The following ADGRL3 variants were observed in gnomAD, a reference collection of about 807,000 sequenced individuals.
ADGRL3 encodes adhesion G protein-coupled receptor L3, also known as calcium-independent alpha-latrotoxin receptor 3.
In ADGRL3, 62 loss-of-function variants were observed where a neutral mutation model predicts 153.5. The ratio of observed to expected loss-of-function variants is 0.40; its 90% CI spans 0.33 to 0.50. The LOEUF is 0.50. ADGRL3 is among the 20% of genes least tolerant of loss of function. The pLI, the probability that ADGRL3 is intolerant of heterozygous loss-of-function variation, is 0.47. For synonymous variants in ADGRL3, 710 were observed against 672.5 expected, an observed-to-expected ratio of 1.06 and a Z score of -0.86; for missense variants, 1,641 against 1,859.4, an observed-to-expected ratio of 0.88 and a Z score of 2.16.
intron 4 of ADGRL3, among the ~76,000 whole-genome samples, chr4:61,567,149 A>AT (rs1408939260): frequency 6.6e-6 from 1 of 152,170 alleles, no homozygotes; most frequent in Non-Finnish European, 1.5e-5. Flanking sequence ...CAGCTCTGTA[A>AT]TTTTCCAGAT....
chr4:61,558,275 G>T (rs1186963542), intron 4 of ADGRL3, among the ~76,000 whole-genome samples: 9 of 150,200 alleles, frequency 6.0e-5, no homozygotes, highest in Admixed American at 6.0e-4. Context: ...AATGAAGGTT[G>T]ACAGAATTGT....
rs186702095 is a variant in ADGRL3 at position 61,263,168 on chromosome 4, A to G, written c.-240+61403A>G. On this transcript the variant is annotated intron_variant, in intron 1 of 26. Coordinates refer to ENST00000683033, the MANE Select transcript of ADGRL3 (RefSeq NM_001387552.1). ...AATTGCAGAAACAATTCATATTCAA[A>G]TTTACGTTTTGCTGTATTATTTCCT... is the stretch of plus-strand genomic sequence containing the variant. Among the ~76,000 whole-genome samples, 257 of 152,144 alleles carry G rather than the reference A, an allele frequency of 1.7e-3. 1 individual carries two copies. The highest frequency in any genetic ancestry group is 6.0e-3 in the African/African-American group (250 of 41,530).
intron 5 of ADGRL3, among the ~76,000 whole-genome samples, chr4:61,659,897 C>A (rs201987798): frequency 0.016 from 1,734 of 108,860 alleles, no homozygotes; most frequent in Non-Finnish European, 0.017. Context: ...GTGAAGATTA[C>A]AAAAAAAAAA....
At chr4:61,665,909 G>T (rs1378828963) in intron 5 of ADGRL3, among the ~76,000 whole-genome samples, 1 of 152,096 alleles carries the variant, frequency 6.6e-6, no homozygotes, top group Non-Finnish European at 1.5e-5. Context: ...AGATTTATTT[G>T]TCTTCAGTCA....
intron 1 of ADGRL3, among the ~76,000 whole-genome samples, chr4:61,218,663 G>T (rs1009838685): frequency 2.0e-5 from 3 of 152,010 alleles, no homozygotes; most frequent in African/African-American, 7.2e-5. Context: ...ACACAATTGT[G>T]ATAAAGATTA....
At chr4:61,228,703 A>G (rs1011769599) in intron 1 of ADGRL3, among the ~76,000 whole-genome samples, 12 of 152,232 alleles carry the variant, frequency 7.9e-5, no homozygotes, top group Admixed American at 3.9e-4. Flanking sequence ...ACACTGCAGC[A>G]TAAATTAAAT....
At chr4:61,755,865 A>T (rs971768464) in intron 8 of ADGRL3, among the ~76,000 whole-genome samples, 3 of 152,156 alleles carry the variant, frequency 2.0e-5, no homozygotes, top group African/African-American at 7.2e-5. Flanking sequence ...AGCACCATTT[A>T]TTAAATAGGG....
rs150206242 is a variant in ADGRL3 at position 61,960,749 on chromosome 4, C to T, written c.2805+12473C>T. 2.4e-3 allele frequency among the ~76,000 whole-genome samples: 362 copies of T among 152,140 alleles called. 3 individuals are homozygous for T. Among genetic ancestry groups the T allele is most frequent in the African/African-American group, 8.5e-3 (353 of 41,516 alleles). On this transcript the variant is annotated intron_variant, in intron 17 of 26. Coordinates refer to ENST00000683033, the MANE Select transcript of ADGRL3 (RefSeq NM_001387552.1). ...GTTTTGAGACAGAGTCTGACTCTGT[C>T]GCCCAGGCTGGAATGCAGTGGCACA...
At chr4:61,563,017 A>G (rs2098801841) in intron 4 of ADGRL3, among the ~76,000 whole-genome samples, 1 of 151,794 alleles carries the variant, frequency 6.6e-6, no homozygotes, top group African/African-American at 2.4e-5. Flanking sequence ...CAATCTACTT[A>G]CCCAGAATCA....
intron 9 of ADGRL3, among the ~76,000 whole-genome samples, chr4:61,846,330 AT>A (rs1172331134): frequency 1.3e-5 from 2 of 151,864 alleles, no homozygotes; most frequent in Non-Finnish European, 2.9e-5. Context: ...AAAAAAAAAA[AT>A]TCATAAAGTA....
chr4:62,028,020 G>A (rs1719778547), intron 21 of ADGRL3, among the ~76,000 whole-genome samples: 1 of 151,752 alleles, frequency 6.6e-6, no homozygotes, highest in African/African-American at 2.4e-5. Context: ...CACAGTTGCA[G>A]CCTGTCTAGG....
chr4:61,614,502 G>C (rs2091771436), intron 5 of ADGRL3, among the ~76,000 whole-genome samples: 1 of 152,044 alleles, frequency 6.6e-6, no homozygotes, highest in African/African-American at 2.4e-5. Flanking sequence ...ATAAAGACTA[G>C]CTTCTGATGG....
In ADGRL3 at chr4:61,371,958, G is replaced by A. The variant is rs565222734; in HGVS notation, c.-239-11166G>A. The stretch of plus-strand genomic sequence containing the variant: ...TTTATTCTTTTTTCTCTAAACTTCC[G>A]TTCTTGCTTCATTTCATTCATTTCA... On this transcript the variant is annotated intron_variant, in intron 1 of 26. Transcript: ENST00000683033. Among the ~76,000 whole-genome samples, 3 of 151,918 alleles carry A rather than the reference G, an allele frequency of 2.0e-5. No homozygotes were observed. In the South Asian group the frequency reaches 6.2e-4, roughly 32 times the overall value.
chr4:61,401,289 A>C (rs2096927567), intron 2 of ADGRL3, among the ~76,000 whole-genome samples: 1 of 151,976 alleles, frequency 6.6e-6, no homozygotes, highest in African/African-American at 2.4e-5. Context: ...AGAGTGTAAC[A>C]GTAAAAAGGA....
Position 61,732,887 on chromosome 4 carries a change from C to T in ADGRL3, c.732C>T (p.Pro244=). ...SDKIYYMPWT[P]YRTDTLTEYS... is the part of the protein sequence containing the mutation. ...AGATTTATTATATGCCCTGGACTCC[C>T]TACAGAACTGATACCCTGACTGAGT... The change falls in exon 8 of 27, where the codon CCC becomes CCT. Residue 244 remains proline, a synonymous_variant. Transcript: ENST00000683033. 1 of 1,613,576 alleles carries T rather than the reference C, an allele frequency of 6.2e-7. No individual in the cohort carries two copies. Among genetic ancestry groups the T allele is most frequent in the Non-Finnish European group, 8.5e-7 (1 of 1,179,756 alleles).
intron 1 of ADGRL3, among the ~76,000 whole-genome samples, chr4:61,215,772 T>G (rs1481569076): frequency 6.6e-6 from 1 of 151,964 alleles, no homozygotes; most frequent in Non-Finnish European, 1.5e-5. Flanking sequence ...CAGGATGGTG[T>G]CGATCTCCTG....
At position 61,650,731 on chromosome 4, in the gene ADGRL3, G is replaced by A. The variant is rs527354663; in HGVS notation, c.474-26095G>A. ...TAATTTGACAGAGGTCTTTATAAAC[G>A]GAGGAGGACAACTTGACTTTCCAAC... is the stretch of plus-strand genomic sequence containing the variant. On this transcript the variant is annotated intron_variant, in intron 5 of 26. Coordinates refer to ENST00000683033, the MANE Select transcript of ADGRL3 (RefSeq NM_001387552.1). 2.0e-4 allele frequency among the ~76,000 whole-genome samples: 30 copies of A among 152,050 alleles called. No homozygotes were observed. The South Asian group carries it at 4.6e-3, about 23-fold the overall frequency.
intron 1 of ADGRL3, among the ~76,000 whole-genome samples, chr4:61,336,192 A>C (rs1278785288): frequency 6.6e-6 from 1 of 152,216 alleles, no homozygotes; most frequent in East Asian, 1.9e-4. Context: ...GAGACTATAC[A>C]AACTGTATAT....
rs72638575 is a variant in ADGRL3, at chr4:61,789,091, G to T, written c.1400-24718G>T. Among the ~76,000 whole-genome samples, 427 of 152,086 alleles carry T rather than the reference G, an allele frequency of 2.8e-3. 2 individuals carry two copies. The highest frequency in any genetic ancestry group is 7.2e-3 in the Admixed American group (110 of 15,284). On this transcript the variant is annotated intron_variant, in intron 8 of 26. Coordinates refer to ENST00000683033, the MANE Select transcript of ADGRL3 (RefSeq NM_001387552.1). Reference sequence around the variant, plus strand: ...CATGCATTATGTCATAAAATAAACAGATGAACTAAAGATATGTTGTTTATC... The same window carrying T: ...CATGCATTATGTCATAAAATAAACATATGAACTAAAGATATGTTGTTTATC...
Sources: gnomAD v4.1 joint callset for allele counts (sites outside exome capture counted in the v4.1 genomes callset) on GRCh38, gnomAD v4.1.1 for gene constraint, MANE v1.5 for transcripts, NCBI Gene and HGNC (gene_info 2026-07-23, HGNC 2026-07-21) for gene names.